Variants in TNRC6B observed in about 807,000 individuals in gnomAD.
TNRC6B encodes trinucleotide repeat containing adaptor 6B.
In TNRC6B, 52 loss-of-function variants were observed where a neutral mutation model predicts 203.6. That is an observed-to-expected ratio of 0.26 (90% CI 0.20 to 0.32). The LOEUF (loss-of-function observed/expected upper bound fraction) is 0.32. TNRC6B is among the 10% of genes least tolerant of loss of function. The pLI is 1.00. For missense variants in TNRC6B, 1,923 were observed against 2,286.2 expected (o/e 0.84, Z 3.24); for synonymous variants, 838 against 845.7 (o/e 0.99, Z 0.16).
chr22:40,061,216 TTTA>T (rs2067847841), intron 1 of TNRC6B, among the ~76,000 whole-genome samples: 2 of 152,076 alleles, frequency 1.3e-5, no homozygotes, highest in Non-Finnish European at 2.9e-5. Flanking sequence ...TGTTGTTGGA[TTTA>T]TTATTATTAT....
At chr22:40,139,091 C>T (rs971273698) in intron 3 of TNRC6B, among the ~76,000 whole-genome samples, 3 of 152,164 alleles carry the variant, frequency 2.0e-5, no homozygotes, top group Non-Finnish European at 4.4e-5. Context: ...CATTAGCAGT[C>T]ACTCTCTATT....
Position 40,323,088 on chromosome 22 carries a change from CG to C in TNRC6B, c.5353del (p.Ala1785ProfsTer70). 1 of 1,606,954 alleles carries C rather than the reference CG, an allele frequency of 6.2e-7. No individual in the cohort carries two copies. The highest frequency in any genetic ancestry group is 8.5e-7 in the Non-Finnish European group (1 of 1,176,474). On this transcript the variant is annotated frameshift_variant, in exon 23 of 23. Transcript: ENST00000454349. LOFTEE classifies it high-confidence loss of function. ...QWSSSAGGSS[G>X]ADLAGASLWG... is the part of the protein sequence containing the mutation. The stretch of plus-strand genomic sequence containing the variant: ...GGAGCAGCAGCGCTGGTGGCAGCAG[CG>C]GGGCCGATCTTGCTGGCGCTTCATT...
intron 3 of TNRC6B, among the ~76,000 whole-genome samples, chr22:40,151,778 A>G (rs1198329066): frequency 7.2e-5 from 11 of 151,904 alleles, no homozygotes; most frequent in Admixed American, 7.2e-4. Flanking sequence ...AAAATCAAAG[A>G]CACAAAAATG....
intron 3 of TNRC6B, among the ~76,000 whole-genome samples, chr22:40,130,717 A>G (rs1387436001): frequency 7.9e-6 from 1 of 126,374 alleles, no homozygotes; most frequent in Non-Finnish European, 1.6e-5. Flanking sequence ...CGGGAGGTGG[A>G]GCTTGCAGTG....
At position 40,308,652 on chromosome 22, in the gene TNRC6B, A is replaced by G; in HGVS notation, c.4258+3A>G. 1 of 1,610,816 alleles carries G rather than the reference A, an allele frequency of 6.2e-7. No individual in the cohort carries two copies. Among genetic ancestry groups the G allele is most frequent in the Non-Finnish European group, 8.5e-7 (1 of 1,178,284 alleles). On this transcript the variant is annotated splice_donor_region_variant and intron_variant, in intron 16 of 22. Transcript: ENST00000454349. ...GGAAGCCAATATGCACAAAAATGGTAAGAGAAGCACTGAAAGCTAGAGCCC... is the reference window on the plus strand; with the variant it reads ...GGAAGCCAATATGCACAAAAATGGTGAGAGAAGCACTGAAAGCTAGAGCCC...
chr22:40,314,140 C>G (rs1316543738), intron 19 of TNRC6B, among the ~76,000 whole-genome samples: 1 of 152,164 alleles, frequency 6.6e-6, no homozygotes, highest in Non-Finnish European at 1.5e-5. Context: ...TGAGAGATGG[C>G]CCAAGAATCA....
At chr22:40,260,406 C>G (rs183342338) in intron 3 of TNRC6B, among the ~76,000 whole-genome samples, 4 of 152,062 alleles carry the variant, frequency 2.6e-5, no homozygotes, top group Admixed American at 2.6e-4. Flanking sequence ...GGGTCCTTGC[C>G]CTCAGGAAGT....
Position 40,266,128 on chromosome 22 carries a change from T to C in TNRC6B, c.1898T>C (p.Val633Ala). The C allele has an allele frequency of 6.2e-7, 1 of 1,613,778 alleles. No individual in the cohort carries two copies. Among genetic ancestry groups the C allele is most frequent in the Non-Finnish European group, 8.5e-7 (1 of 1,179,868 alleles). ...CAAACTCAAATTAAGCAGGACACAG[T>C]GTGGGACATTGAAGAGGTGCCAAGG... ...WGQTQIKQDT[V>A]WDIEEVPRPE... Residue 633 changes from valine (V) to alanine (A), a missense_variant, in exon 5 of 23, where the codon GTG (valine) becomes GCG (alanine). Coordinates refer to ENST00000454349, the MANE Select transcript of TNRC6B (RefSeq NM_001162501.2).
Position 40,266,742 on chromosome 22 carries a change from G to T in TNRC6B, c.2512G>T (p.Gly838Cys). The T allele has an allele frequency of 6.2e-7, 1 of 1,613,918 alleles. No homozygotes were observed. The part of the protein sequence containing the change: ...QPPPPQPEAS[G>C]SWGGPPPPPP... ...GCCGCCACCACAACCAGAGGCTTCTGGTTCGTGGGGAGGCCCACCCCCACC... is the reference window on the plus strand; with the variant it reads ...GCCGCCACCACAACCAGAGGCTTCTTGTTCGTGGGGAGGCCCACCCCCACC... The change falls in exon 5 of 23, where the codon GGT (glycine) becomes TGT (cysteine). Residue 838 changes from glycine (G) to cysteine (C), a missense_variant. Coordinates refer to ENST00000454349, the MANE Select transcript of TNRC6B (RefSeq NM_001162501.2).
At chr22:40,130,459 C>T (rs1434140939) in intron 3 of TNRC6B, among the ~76,000 whole-genome samples, 4 of 152,086 alleles carry the variant, frequency 2.6e-5, no homozygotes, top group Non-Finnish European at 2.9e-5. Context: ...CTTGGAATTG[C>T]AGTTGTAGCG....
chr22:40,216,178 A>G (rs558713514), intron 1 of TNRC6B, among the ~76,000 whole-genome samples: 2 of 152,208 alleles, frequency 1.3e-5, no homozygotes, highest in South Asian at 4.1e-4. Flanking sequence ...TCTGCTTCTT[A>G]CCTAGTCAGC....
rs753040032 is a variant in TNRC6B at position 40,101,564 on chromosome 22, TC to T, written c.-120-15489del. On this transcript the variant is annotated intron_variant, in intron 1 of 23. Transcript: ENST00000301923. The stretch of plus-strand genomic sequence containing the variant: ...CTAGTTGGGCTTTTTTTTCTAGTTT[TC>T]CTGTCCTTTATAGCCTCCTGACTCA... Among the ~76,000 whole-genome samples, 37 of 152,158 alleles carry T rather than the reference TC, an allele frequency of 2.4e-4. 1 individual carries two copies. Among genetic ancestry groups the T allele is most frequent in the Non-Finnish European group, 1.8e-4 (12 of 68,026 alleles).
chr22:40,314,294 C>G (rs2071227629), intron 19 of TNRC6B, among the ~76,000 whole-genome samples: 1 of 152,194 alleles, frequency 6.6e-6, no homozygotes, highest in African/African-American at 2.4e-5. Context: ...TCCTCTCTCT[C>G]TCAATCCCTG....
chr22:40,130,804 T>A (rs1285918068), intron 3 of TNRC6B, among the ~76,000 whole-genome samples: 226 of 117,756 alleles, frequency 1.9e-3, no homozygotes, highest in African/African-American at 5.9e-3. Context: ...AAAAAAAAAA[T>A]AGTTAACAAA....
chr22:40,183,191 C>T (rs758153616), intron 1 of TNRC6B, among the ~76,000 whole-genome samples: 5 of 152,116 alleles, frequency 3.3e-5, no homozygotes, highest in Non-Finnish European at 7.3e-5. Flanking sequence ...ATTGTTGCGA[C>T]GCATAAAGGA....
intron 1 of TNRC6B, among the ~76,000 whole-genome samples, chr22:40,061,067 T>C (rs1763783962): frequency 6.6e-6 from 1 of 152,220 alleles, no homozygotes; most frequent in Non-Finnish European, 1.5e-5. Flanking sequence ...TAGTAGCCTC[T>C]GGTTATGCTG....
chr22:40,111,650 G>A (rs1023852976), intron 1 of TNRC6B, among the ~76,000 whole-genome samples: 11 of 152,198 alleles, frequency 7.2e-5, no homozygotes, highest in African/African-American at 9.7e-5. Flanking sequence ...AGAAGAACAC[G>A]CTTTGGGGGA....
chr22:40,259,711 G>A (rs2070345661), intron 3 of TNRC6B, among the ~76,000 whole-genome samples: 1 of 152,120 alleles, frequency 6.6e-6, no homozygotes, highest in African/African-American at 2.4e-5. Flanking sequence ...GTATGTTAAT[G>A]TCCAGTAGTG....
At chr22:40,289,328 G>A (rs1213013426) in intron 12 of TNRC6B, among the ~76,000 whole-genome samples, 1 of 152,048 alleles carries the variant, frequency 6.6e-6, no homozygotes, top group Non-Finnish European at 1.5e-5. Flanking sequence ...ACAAACACTG[G>A]AAGTAATATA....
Sources: gnomAD v4.1 joint callset for allele counts (sites outside exome capture counted in the v4.1 genomes callset) on GRCh38, gnomAD v4.1.1 for gene constraint, MANE v1.5 for transcripts, NCBI Gene and HGNC (gene_info 2026-07-23, HGNC 2026-07-21) for gene names.